DCLK1: variants seen among roughly 807,000 people sequenced by gnomAD.
DCLK1 encodes the protein doublecortin like kinase 1, also known as serine/threonine-protein kinase DCLK1.
Under a neutral mutation model 86.2 loss-of-function variants are expected in DCLK1, and 16 were observed. The observed-to-expected ratio is 0.19, with a 90% CI of 0.13 to 0.28. The LOEUF (loss-of-function observed/expected upper bound fraction) is 0.28, where lower values mean the gene tolerates loss of function less well. Ranked by LOEUF, DCLK1 falls within the 10% of genes least tolerant of loss-of-function variation. The probability of loss-of-function intolerance (pLI) is 1.00; values close to 1 mark genes in which losing one functional copy is unlikely to be tolerated. For missense variants in DCLK1, 590 were observed against 940.2 expected (o/e 0.63, Z 4.87); for synonymous variants, 369 against 370.5 (o/e 1.00, Z 0.05).
intron 3 of DCLK1, among the ~76,000 whole-genome samples, chr13:35,980,649 G>T (rs572025980): frequency 1.4e-4 from 21 of 152,168 alleles, no homozygotes; most frequent in Admixed American, 8.5e-4. Flanking sequence ...TTTTTCCATG[G>T]ACGTGGGCTG....
At chr13:35,847,385 A>T (rs2153109244) in intron 6 of DCLK1, 1 of 985,164 alleles carries the variant, frequency 1.0e-6, no homozygotes, top group Non-Finnish European at 1.2e-6. Context: ...CAAATACTAT[A>T]CTTTACTGTT....
intron 11 of DCLK1, 27 bp from the exon 12 acceptor site, chr13:35,810,995 G>GTC (rs749340853): frequency 6.2e-7 from 1 of 1,612,852 alleles, no homozygotes; most frequent in Non-Finnish European, 8.5e-7. Context: ...AATCACAATT[G>GTC]TCTGAAAACC....
At chr13:36,004,099 A>C (rs1880843072) in intron 3 of DCLK1, among the ~76,000 whole-genome samples, 1 of 152,234 alleles carries the variant, frequency 6.6e-6, no homozygotes, top group South Asian at 2.1e-4. Context: ...CATTTATCTG[A>C]TATTTTGCCT....
At chr13:35,897,747 T>A (rs2153121314) in intron 4 of DCLK1, among the ~76,000 whole-genome samples, 1 of 152,258 alleles carries the variant, frequency 6.6e-6, no homozygotes, top group East Asian at 1.9e-4. Context: ...ATCATCCACT[T>A]ATAAAAACAA....
chr13:35,812,314 G>C (rs893964170), intron 11 of DCLK1, among the ~76,000 whole-genome samples: 1 of 102,628 alleles, frequency 9.7e-6, no homozygotes, highest in Non-Finnish European at 1.8e-5. Context: ...ATTCCAGCAA[G>C]GGCAATCTTC....
At chr13:35,779,959 CAATTGAA>C (rs2086495890) in intron 16 of DCLK1, among the ~76,000 whole-genome samples, 1 of 150,112 alleles carries the variant, frequency 6.7e-6, no homozygotes, top group South Asian at 2.1e-4. Context: ...ACATGTAATC[CAATTGAA>C]AATTTCTTCC....
At chr13:36,113,533 AG>A (rs1436436737) in intron 2 of DCLK1, among the ~76,000 whole-genome samples, 1 of 152,140 alleles carries the variant, frequency 6.6e-6, no homozygotes, top group Non-Finnish European at 1.5e-5. Flanking sequence ...ATCCTGAGAA[AG>A]GCATATTTGG....
chr13:36,040,462 CA>C (rs1375134846), intron 3 of DCLK1, among the ~76,000 whole-genome samples: 7 of 150,180 alleles, frequency 4.7e-5, no homozygotes, highest in African/African-American at 1.7e-4. Context: ...AGGAAGACTA[CA>C]GGGGTAAAGC....
rs532112697 is a variant in DCLK1, at chr13:35,918,890, G to GTTTTTTTTTTTTTTTTTT, written c.823+28467_823+28468insAAAAAAAAAAAAAAAAAA. 9.1e-4 allele frequency among the ~76,000 whole-genome samples: 13 copies of GTTTTTTTTTTTTTTTTTT among 14,222 alleles called. 2 individuals carry two copies. In the South Asian group the frequency reaches 0.014, roughly 15 times the overall value. The allele number at this position is 14,222 out of a possible 152,430, so 9.3% of individuals were successfully genotyped here. ...CCAAAAAGAAATCTTCCTTCTGAGT[G>GTTTTTTTTTTTTTTTTTT]TGTTTTTTTTTTTTTTTTTGGAAAC... is the stretch of plus-strand genomic sequence containing the variant. On this transcript the variant is annotated intron_variant, in intron 4 of 16. Coordinates refer to ENST00000360631, the MANE Select transcript of DCLK1 (RefSeq NM_001330071.2).
intron 6 of DCLK1, chr13:35,847,759 T>C: frequency 1.0e-6 from 1 of 985,176 alleles, no homozygotes; most frequent in African/African-American, 1.7e-5. Context: ...CTGGTTCAAA[T>C]GGTTTTAGAA....
intron 6 of DCLK1, 105 bp downstream of exon 6, chr13:35,854,394 G>T: frequency 2.4e-6 from 2 of 842,324 alleles, no homozygotes; most frequent in Non-Finnish European, 3.4e-6. Context: ...TCCTGTTCTA[G>T]CTTAGATATC....
At chr13:36,082,361 C>T (rs944524506) in intron 3 of DCLK1, among the ~76,000 whole-genome samples, 2 of 152,120 alleles carry the variant, frequency 1.3e-5, no homozygotes, top group Admixed American at 1.3e-4. Context: ...CAGTATATAA[C>T]ATGAAATATG....
At chr13:35,974,636 T>C (rs550032818) in intron 3 of DCLK1, among the ~76,000 whole-genome samples, 2 of 152,248 alleles carry the variant, frequency 1.3e-5, no homozygotes, top group South Asian at 4.1e-4. Flanking sequence ...CCATGTAAAG[T>C]GTACCTGCTT....
intron 5 of DCLK1, chr13:35,855,738 TTC>T: frequency 7.3e-7 from 1 of 1,369,738 alleles, no homozygotes; most frequent in Non-Finnish European, 9.5e-7. Flanking sequence ...GAGGTGCAGG[TTC>T]TGTCTTAGGC....
At chr13:36,084,423 T>C (rs183480571) in intron 3 of DCLK1, among the ~76,000 whole-genome samples, 138 of 152,308 alleles carry the variant, frequency 9.1e-4, no homozygotes, top group Non-Finnish European at 1.7e-3. Flanking sequence ...CACTTATGTA[T>C]AATCTGATAA....
chr13:36,095,244 C>T (rs189215768), intron 3 of DCLK1, among the ~76,000 whole-genome samples: 114 of 149,680 alleles, frequency 7.6e-4, no homozygotes, highest in African/African-American at 2.8e-3. Flanking sequence ...CTCACTCTGT[C>T]GCCCAGGCTA....
intron 4 of DCLK1, among the ~76,000 whole-genome samples, chr13:35,942,762 C>A (rs1183353777): frequency 6.6e-6 from 1 of 152,174 alleles, no homozygotes; most frequent in Non-Finnish European, 1.5e-5. Flanking sequence ...CTGTCAAATG[C>A]ACTGTTGAAA....
At chr13:36,105,213 C>A (rs1051872570) in intron 3 of DCLK1, among the ~76,000 whole-genome samples, 1 of 152,108 alleles carries the variant, frequency 6.6e-6, no homozygotes, top group Non-Finnish European at 1.5e-5. Flanking sequence ...TATCATGAAG[C>A]ATTTCCATGT....
chr13:35,879,828 G>A (rs1039799363), intron 4 of DCLK1, among the ~76,000 whole-genome samples: 1 of 152,110 alleles, frequency 6.6e-6, no homozygotes, highest in East Asian at 1.9e-4. Context: ...ACTTTTTTGT[G>A]CCAGTTGCTA....
Sources: allele counts gnomAD v4.1 joint callset (sites outside exome capture counted in the v4.1 genomes callset), GRCh38; gene constraint gnomAD v4.1.1; transcripts MANE v1.5; gene names NCBI Gene and HGNC (gene_info 2026-07-23, HGNC 2026-07-21).